The following HEATR3 variants were observed in gnomAD, a reference collection of about 807,000 sequenced individuals.
HEATR3 encodes the protein HEAT repeat-containing protein 3.
HEATR3 carries 56 observed loss-of-function variants against 72.8 expected under a neutral mutation model. The observed-to-expected ratio is 0.77, with a 90% CI of 0.62 to 0.96. The LOEUF (loss-of-function observed/expected upper bound fraction) is 0.96, where lower values mean the gene tolerates loss of function less well. HEATR3 is among the 40% of genes least tolerant of loss of function. The pLI is 0.00. For synonymous variants in HEATR3, 331 were observed against 318.1 expected (o/e 1.04, Z -0.43); for missense variants, 747 against 831.4 (o/e 0.90, Z 1.25).
intron 12 of HEATR3, 131 bp downstream of exon 12, chr16:50,094,924 A>G (rs1328498513): frequency 1.6e-4 from 82 of 512,098 alleles, no homozygotes. Flanking sequence ...TGTAAAAAAT[A>G]AAACAAAAGT....
rs945810877 is a variant in HEATR3 at position 50,066,412 on chromosome 16, C to T, written c.184C>T (p.Leu62=). Residue 62 remains leucine (L), a synonymous_variant, in exon 2 of 15, where the codon CTG becomes TTG. Transcript: ENST00000299192. ...GGTCCGCGAGTGCGCCTGCGCAGGGCTGGCCCGGCTGGTGCAGCAGCGGCC... is the reference window on the plus strand; with the variant it reads ...GGTCCGCGAGTGCGCCTGCGCAGGGTTGGCCCGGCTGGTGCAGCAGCGGCC... The part of the protein sequence containing the change: ...AEVRECACAG[L]ARLVQQRPAL... 3.3e-6 allele frequency: 5 copies of T among 1,520,974 alleles called. No individual in the cohort carries two copies. The African/African-American group carries it at 4.3e-5, about 13-fold the overall frequency. The allele number at this position is 1,520,974 out of a possible 1,614,324, so 94.2% of individuals were successfully genotyped here.
At position 50,070,306 on chromosome 16, in the gene HEATR3, AAC is replaced by A. The variant is rs746622874; in HGVS notation, c.512+20_512+21del. ...GGAATATATGGTAAGATGCCTACCA[AAC>A]ACAGTCTCCTGCTATAGCAGTACCC... On this transcript the variant is annotated intron_variant, in intron 4 of 14. Coordinates refer to ENST00000299192, the MANE Select transcript of HEATR3 (RefSeq NM_182922.4). 1.1e-5 allele frequency: 14 copies of A among 1,287,838 alleles called. No homozygotes were observed. Among genetic ancestry groups the A allele is most frequent in the Admixed American group, 1.0e-4 (6 of 58,690 alleles). The allele number at this position is 1,287,838 out of a possible 1,614,324, so 79.8% of individuals were successfully genotyped here. A position where few individuals can be genotyped will look rare whatever the true frequency, so the allele number is the denominator to read the frequency against.
intron 7 of HEATR3, among the ~76,000 whole-genome samples, chr16:50,082,757 CAA>C (rs60241022): frequency 0.054 from 3,915 of 72,958 alleles, 168 homozygotes; most frequent in African/African-American, 0.13. Flanking sequence ...CCCCATCTCT[CAA>C]AAAAAAAAAA....
intron 11 of HEATR3, among the ~76,000 whole-genome samples, chr16:50,087,924 C>T (rs1301657695): frequency 1.3e-5 from 2 of 151,946 alleles, no homozygotes; most frequent in Non-Finnish European, 2.9e-5. Context: ...GTTGGGAGTT[C>T]GAGACCAGCC....
rs2036637630 is a variant in HEATR3, at chr16:50,072,647, G to A, written c.555G>A (p.Gly185=). The change falls in exon 5 of 15, where the codon GGG becomes GGA. Residue 185 remains glycine (G), a synonymous_variant. Coordinates refer to ENST00000299192, the MANE Select transcript of HEATR3 (RefSeq NM_182922.4). ...SRAVSIFNKE[G]CLEIVLKYLS... Reference sequence around the variant, plus strand: ...CAGTGTCTATATTCAACAAAGAAGGGTGTTTGGAGATTGTGTTAAAGTATT... The same window carrying A: ...CAGTGTCTATATTCAACAAAGAAGGATGTTTGGAGATTGTGTTAAAGTATT... 2 of 1,610,732 alleles carry A rather than the reference G, an allele frequency of 1.2e-6. No individual in the cohort carries two copies. The highest frequency in any genetic ancestry group is 1.1e-5 in the South Asian group (1 of 91,000).
chr16:50,068,039 C>A (rs2036536250), intron 2 of HEATR3, among the ~76,000 whole-genome samples: 1 of 151,894 alleles, frequency 6.6e-6, no homozygotes, highest in South Asian at 2.1e-4. Flanking sequence ...TGGGCATTCA[C>A]CAGTTGATGG....
chr16:50,095,941 G>A (rs994205532), intron 12 of HEATR3, among the ~76,000 whole-genome samples: 12 of 151,934 alleles, frequency 7.9e-5, no homozygotes, highest in East Asian at 5.8e-4. Context: ...CCAAATTAAC[G>A]GATATTTCTT....
chr16:50,086,100 C>G (rs1255069934), intron 10 of HEATR3, 115 bp from the exon 11 acceptor site: 2 of 949,680 alleles, frequency 2.1e-6, no homozygotes, highest in East Asian at 2.7e-5. Flanking sequence ...GCCATAGATA[C>G]CTTGTATTTA....
intron 9 of HEATR3, 62 bp downstream of exon 9, chr16:50,084,353 T>A: frequency 6.5e-7 from 1 of 1,549,862 alleles, no homozygotes; most frequent in East Asian, 2.2e-5. Flanking sequence ...AAGGTATTCA[T>A]TTTGTGTACA....
chr16:50,106,602 A>G lies in HEATR3; in HGVS notation c.*1541A>G, dbSNP rs926639731. On this transcript the variant is annotated 3_prime_UTR_variant, in exon 15 of 15. Coordinates refer to ENST00000299192, the MANE Select transcript of HEATR3 (RefSeq NM_182922.4). Reference sequence around the variant, plus strand: ...GGGGCTCGAGGGAGTTTCCCTGTGCATCATTGTCTCGGCTGGGCCTCTGAA... The same window carrying G: ...GGGGCTCGAGGGAGTTTCCCTGTGCGTCATTGTCTCGGCTGGGCCTCTGAA... The G allele has an allele frequency of 3.3e-5, 5 of 152,072 alleles. No homozygotes were observed. Among genetic ancestry groups the G allele is most frequent in the African/African-American group, 1.2e-4 (5 of 41,426 alleles). The allele number at this position is 152,072 out of a possible 1,614,324, so 9.4% of individuals were successfully genotyped here.
intron 2 of HEATR3, among the ~76,000 whole-genome samples, chr16:50,067,212 G>A (rs1243737107): frequency 1.3e-5 from 2 of 152,058 alleles, no homozygotes; most frequent in Non-Finnish European, 2.9e-5. Context: ...ACAATTAGTC[G>A]GGCATGGTGG....
intron 2 of HEATR3, among the ~76,000 whole-genome samples, chr16:50,067,562 G>A (rs1471772934): frequency 6.6e-6 from 1 of 151,980 alleles, no homozygotes; most frequent in Non-Finnish European, 1.5e-5. Context: ...GTAATTACAG[G>A]AAGTGAGGCT....
Position 50,066,036 on chromosome 16 carries a change from G to T in HEATR3, c.-96G>T. 1 of 1,339,786 alleles carries T rather than the reference G, an allele frequency of 7.5e-7. No homozygotes were observed. 83.0% of individuals were successfully genotyped at this position (1,339,786 alleles called of 1,614,324 possible). On this transcript the variant is annotated 5_prime_UTR_variant, in exon 1 of 15. An upstream open reading frame in the 5' UTR loses its in-frame stop. Coordinates refer to ENST00000299192, the MANE Select transcript of HEATR3 (RefSeq NM_182922.4). ...GCTGCAGCCGTCAGCCGGCCCAGCT[G>T]AGCAGCAGCAACGGACCTTGTTAAC...
At chr16:50,068,360 G>C (rs2036543441) in intron 2 of HEATR3, among the ~76,000 whole-genome samples, 1 of 152,196 alleles carries the variant, frequency 6.6e-6, no homozygotes, top group East Asian at 1.9e-4. Flanking sequence ...GGCTGGTCTT[G>C]AATTCCTGAG....
rs754568777 is a variant in HEATR3 at position 50,078,886 on chromosome 16, A to G, written c.909A>G (p.Leu303=). ...TGAAAGAGGCTGAAACGCAAAGGTT[A>G]AAAACTGCTGCAGAGGCTGAGGAAA... ...IQMKEAETQR[L]KTAAEAEEIL... Residue 303 remains leucine (L), a synonymous_variant, in exon 7 of 15, where the codon TTA becomes TTG. Coordinates refer to ENST00000299192, the MANE Select transcript of HEATR3 (RefSeq NM_182922.4). 6.8e-6 allele frequency: 11 copies of G among 1,614,160 alleles called. No individual in the cohort carries two copies. The South Asian group carries it at 1.2e-4, about 18-fold the overall frequency.
At position 50,100,735 on chromosome 16, in the gene HEATR3, C is replaced by T. The variant is rs183009588; in HGVS notation, c.1743+362C>T. The T allele has an allele frequency of 2.4e-5, 6 of 244,984 alleles. No homozygotes were observed. In the Admixed American group the frequency reaches 3.5e-4, roughly 14 times the overall value. The allele number at this position is 244,984 out of a possible 1,614,324, so 15.2% of individuals were successfully genotyped here. A position where few individuals can be genotyped will look rare whatever the true frequency, so the allele number is the denominator to read the frequency against. ...TTCTCCTGCTGATGAATGAACAATCCACACCATTTTCCTTGCACACCAGGC... is the reference window on the plus strand; with the variant it reads ...TTCTCCTGCTGATGAATGAACAATCTACACCATTTTCCTTGCACACCAGGC... On this transcript the variant is annotated intron_variant, in intron 13 of 14. Transcript: ENST00000299192.
chr16:50,086,422 G>A, intron 11 of HEATR3, 71 bp downstream of exon 11: 1 of 1,473,304 alleles, frequency 6.8e-7, no homozygotes, highest in Admixed American at 2.3e-5. Flanking sequence ...TTTGGATTTT[G>A]TAAATGTATA....
chr16:50,075,862 C>T, intron 6 of HEATR3, 151 bp downstream of exon 6: 1 of 634,684 alleles, frequency 1.6e-6, no homozygotes, highest in South Asian at 2.1e-5. Context: ...GAGACCCTTA[C>T]TTCAAGCAGT....
chr16:50,075,027 G>C (rs1460014667), intron 5 of HEATR3: 2 of 150,540 alleles, frequency 1.3e-5, no homozygotes, highest in East Asian at 4.0e-4. Flanking sequence ...TGTAAAAAGT[G>C]TAGATCTGGC....
Sources: allele counts gnomAD v4.1 joint callset (sites outside exome capture counted in the v4.1 genomes callset), GRCh38; gene constraint gnomAD v4.1.1; transcripts MANE v1.5; gene names NCBI Gene and HGNC (gene_info 2026-07-23, HGNC 2026-07-21).